Variants in SCN8A observed in about 807,000 individuals in gnomAD.
SCN8A encodes the protein sodium voltage-gated channel alpha subunit 8, also known as sodium channel protein type 8 subunit alpha.
A neutral mutation model predicts 184.1 loss-of-function variants in SCN8A; 30 were observed. The observed-to-expected ratio is 0.16, with a 90% CI of 0.12 to 0.22. The LOEUF is 0.22. SCN8A is among the 10% of genes least tolerant of loss of function. The pLI is 1.00. For missense variants in SCN8A, 1,057 were observed against 2,498.9 expected (o/e 0.42, Z 12.30); for synonymous variants, 852 against 907.0 (o/e 0.94, Z 1.09).
rs1226714889 is a variant in SCN8A, at chr12:51,594,579, CACTAAAGCTAT to C, written c.-55+3225_-55+3235del. 2.0e-5 allele frequency among the ~76,000 whole-genome samples: 3 copies of C among 152,244 alleles called. No homozygotes were observed. The East Asian group carries it at 5.8e-4, about 29-fold the overall frequency. ...AATTCCTATGGATTATGTCTAAGGA[CACTAAAGCTAT>C]ACTATATAGAAAGCGTTAAAAATCC... is the stretch of plus-strand genomic sequence containing the variant. On this transcript the variant is annotated intron_variant, in intron 1 of 26. Transcript: ENST00000627620.
Position 51,762,489 on chromosome 12 carries a change from A to G in SCN8A, c.2371-14A>G. The G allele has an allele frequency of 6.2e-7, 1 of 1,611,894 alleles. No homozygotes were observed. Among genetic ancestry groups the G allele is most frequent in the Non-Finnish European group, 8.5e-7 (1 of 1,178,882 alleles). ...ACTATTTATTTTTCTTACCCCCTGC[A>G]TCCCCCTATTTAGGTTTTCACTGGA... On this transcript the variant is annotated splice_polypyrimidine_tract_variant and intron_variant, in intron 14 of 26. Transcript: ENST00000627620.
At chr12:51,694,874 A>G (rs1252859262) in intron 6 of SCN8A, among the ~76,000 whole-genome samples, 1 of 152,212 alleles carries the variant, frequency 6.6e-6, no homozygotes, top group African/African-American at 2.4e-5. Context: ...GCAAGACTGT[A>G]GAGCTTGAGC....
intron 11 of SCN8A, chr12:51,712,748 C>G (rs2138762896): frequency 8.8e-7 from 1 of 1,138,506 alleles, no homozygotes; most frequent in Admixed American, 1.7e-5. Flanking sequence ...CCATAGCCCC[C>G]TCTACTACTA....
chr12:51,594,609 A>C (rs1242770685), intron 1 of SCN8A, among the ~76,000 whole-genome samples: 1 of 152,204 alleles, frequency 6.6e-6, no homozygotes, highest in Non-Finnish European at 1.5e-5. Context: ...GAAAGCGTTA[A>C]AAATCCAAAG....
At chr12:51,608,204 A>C (rs1221242111) in intron 1 of SCN8A, among the ~76,000 whole-genome samples, 4 of 151,554 alleles carry the variant, frequency 2.6e-5, no homozygotes, top group Non-Finnish European at 4.4e-5. Flanking sequence ...TTGTATTTTT[A>C]GTAGAGACGG....
At chr12:51,672,184 A>C (rs941310824) in intron 2 of SCN8A, among the ~76,000 whole-genome samples, 1 of 152,112 alleles carries the variant, frequency 6.6e-6, no homozygotes, top group African/African-American at 2.4e-5. Flanking sequence ...CAGGTAGTCT[A>C]ATTGCTTCCC....
chr12:51,614,399 C>T (rs984886198), intron 1 of SCN8A, among the ~76,000 whole-genome samples: 2 of 152,064 alleles, frequency 1.3e-5, no homozygotes, highest in Admixed American at 6.6e-5. Flanking sequence ...ATATAATCAT[C>T]CTACCTTTCT....
chr12:51,635,328 A>G (rs1940291367), intron 1 of SCN8A, among the ~76,000 whole-genome samples: 1 of 152,146 alleles, frequency 6.6e-6, no homozygotes, highest in Non-Finnish European at 1.5e-5. Context: ...GTGTCACTGT[A>G]TTGTAATTGG....
At chr12:51,738,935 G>A (rs1307906622) in intron 12 of SCN8A, among the ~76,000 whole-genome samples, 10 of 152,132 alleles carry the variant, frequency 6.6e-5, no homozygotes, top group Non-Finnish European at 1.5e-4. Flanking sequence ...ACAGGGGTGA[G>A]GGAATGGCCT....
At chr12:51,748,114 G>T (rs1050481266) in intron 13 of SCN8A, among the ~76,000 whole-genome samples, 3 of 152,158 alleles carry the variant, frequency 2.0e-5, no homozygotes, top group Admixed American at 2.0e-4. Flanking sequence ...CCGGAATCAC[G>T]TAAGAGGGAA....
At chr12:51,608,024 T>TC (rs1467116362) in intron 1 of SCN8A, among the ~76,000 whole-genome samples, 2 of 147,608 alleles carry the variant, frequency 1.4e-5, no homozygotes, top group African/African-American at 4.9e-5. Flanking sequence ...CTTTTTCCTT[T>TC]TTTTTTTTTT....
intron 1 of SCN8A, among the ~76,000 whole-genome samples, chr12:51,631,494 C>T (rs575016158): frequency 8.5e-4 from 129 of 152,332 alleles, no homozygotes; most frequent in African/African-American, 5.3e-4. Flanking sequence ...CTTGTCTCTG[C>T]GTACTTCAAC....
In SCN8A at chr12:51,794,559, C is replaced by T; in HGVS notation, c.4713C>T (p.Leu1571=). ...FVIFFTCECV[L]KMFALRHYYF... The stretch of plus-strand genomic sequence containing the variant: ...TCTTCTTCACCTGTGAGTGTGTGCT[C>T]AAAATGTTTGCGTTGAGGCACTACT... The change falls in exon 26 of 27, where the codon CTC becomes CTT. Residue 1571 remains leucine, a synonymous_variant. Coordinates refer to ENST00000627620, the MANE Select transcript of SCN8A (RefSeq NM_001330260.2). 6.2e-7 allele frequency: 1 copy of T among 1,613,898 alleles called. No homozygotes were observed.
At chr12:51,602,301 G>T (rs1330824095) in intron 1 of SCN8A, among the ~76,000 whole-genome samples, 1 of 152,166 alleles carries the variant, frequency 6.6e-6, no homozygotes, top group Non-Finnish European at 1.5e-5. Context: ...TAGTTATTAT[G>T]TGTCAATTAA....
chr12:51,699,696 G>A lies in SCN8A; in HGVS notation c.833G>A (p.Arg278Gln), dbSNP rs1941651869. ...CTGCAGCTGTTCATGGGGAACCTTCGAAACAAGTGTGTTGTGTGGCCCATA... is the reference window on the plus strand; with the variant it reads ...CTGCAGCTGTTCATGGGGAACCTTCAAAACAAGTGTGTTGTGTGGCCCATA... ...IGLQLFMGNLRNKCVVWPINF... is the reference protein window; with the variant it reads ...IGLQLFMGNLQNKCVVWPINF... The change falls in exon 7 of 27, where the codon CGA (arginine) becomes CAA (glutamine). Residue 278 changes from arginine to glutamine, a missense_variant. By Grantham distance (43) the Arg-to-Gln change is conservative (BLOSUM62 1). Transcript: ENST00000627620. 4 of 1,613,918 alleles carry A rather than the reference G, an allele frequency of 2.5e-6. No individual in the cohort carries two copies. Among genetic ancestry groups the A allele is most frequent in the Non-Finnish European group, 2.5e-6 (3 of 1,179,894 alleles).
At chr12:51,685,607 C>T (rs1044655499) in intron 3 of SCN8A, among the ~76,000 whole-genome samples, 5 of 152,222 alleles carry the variant, frequency 3.3e-5, no homozygotes, top group African/African-American at 9.7e-5. Context: ...ACCTAGTCTT[C>T]AGAAGTGTGG....
intron 26 of SCN8A, among the ~76,000 whole-genome samples, chr12:51,796,924 A>G (rs1041071643): frequency 2.0e-5 from 3 of 152,196 alleles, no homozygotes; most frequent in African/African-American, 7.2e-5. Flanking sequence ...TTTCTAGCTG[A>G]GCTGGCAGCC....
chr12:51,612,271 C>T (rs1420317672), intron 1 of SCN8A, among the ~76,000 whole-genome samples: 1 of 152,194 alleles, frequency 6.6e-6, no homozygotes, highest in South Asian at 2.1e-4. Flanking sequence ...GAGCAATCCT[C>T]CCACCTCAGC....
At chr12:51,654,346 T>C (rs1326461037) in intron 1 of SCN8A, among the ~76,000 whole-genome samples, 2 of 152,212 alleles carry the variant, frequency 1.3e-5, no homozygotes, top group Non-Finnish European at 2.9e-5. Flanking sequence ...AGGTCTTTGA[T>C]CCATTTTGAG....
Sources: allele counts gnomAD v4.1 joint callset (sites outside exome capture counted in the v4.1 genomes callset), GRCh38; gene constraint gnomAD v4.1.1; transcripts MANE v1.5; gene names NCBI Gene and HGNC (gene_info 2026-07-23, HGNC 2026-07-21).